The following RPAP2 variants were observed in gnomAD, a reference collection of about 807,000 sequenced individuals.
The protein encoded by RPAP2 is RNA polymerase II associated protein 2.
Under a neutral mutation model 73.1 loss-of-function variants are expected in RPAP2, and 52 were observed. That is an observed-to-expected ratio of 0.71 (90% confidence interval 0.57 to 0.90). The LOEUF (loss-of-function observed/expected upper bound fraction) is 0.90, where lower values mean the gene tolerates loss of function less well. Ranked by LOEUF, RPAP2 falls within the 40% of genes least tolerant of loss-of-function variation. The pLI is 0.00. For synonymous variants in RPAP2, 225 were observed against 242.1 expected (o/e 0.93, Z 0.65); for missense variants, 598 against 701.8 (o/e 0.85, Z 1.67).
intron 12 of RPAP2, among the ~76,000 whole-genome samples, chr1:92,383,789 T>C (rs1358596220): frequency 2.0e-5 from 3 of 151,922 alleles, no homozygotes; most frequent in African/African-American, 4.9e-5. Context: ...TGGCCAGAAC[T>C]TCCAACGCTA....
chr1:92,364,909 C>G (rs552470752), intron 11 of RPAP2, among the ~76,000 whole-genome samples: 37 of 152,260 alleles, frequency 2.4e-4, no homozygotes, highest in Middle Eastern at 3.4e-3. Context: ...CTTCCCAGCT[C>G]CTACCAGATA....
intron 6 of RPAP2, among the ~76,000 whole-genome samples, chr1:92,311,256 C>T (rs946152198): frequency 1.3e-5 from 2 of 152,114 alleles, no homozygotes; most frequent in Non-Finnish European, 1.5e-5. Flanking sequence ...ATTCAACTTC[C>T]GAGTTCCCTT....
chr1:92,385,007 A>G (rs1314319110), intron 12 of RPAP2, among the ~76,000 whole-genome samples: 3 of 151,316 alleles, frequency 2.0e-5, no homozygotes, highest in Admixed American at 2.0e-4. Context: ...TACAAAAAAT[A>G]AAAAAATTAG....
chr1:92,323,964 T>C lies in RPAP2; in HGVS notation c.1044T>C (p.Ser348=). The C allele has an allele frequency of 1.2e-6, 2 of 1,614,156 alleles. No individual in the cohort carries two copies. The highest frequency in any genetic ancestry group is 1.3e-5 in the African/African-American group (1 of 75,048). ...KRKFAKSNQV[S]RSVSSSVQVC... is the part of the protein sequence containing the mutation. ...AATTTGCCAAATCAAACCAAGTGTCTAGGTCAGTGTCTAGTTCAGTGCAGG... is the reference window on the plus strand; with the variant it reads ...AATTTGCCAAATCAAACCAAGTGTCCAGGTCAGTGTCTAGTTCAGTGCAGG... Residue 348 remains serine (S), a synonymous_variant, in exon 8 of 13, where the codon TCT becomes TCC. Transcript: ENST00000610020.
intron 6 of RPAP2, among the ~76,000 whole-genome samples, chr1:92,316,758 T>A (rs892756987): frequency 6.6e-6 from 1 of 152,198 alleles, no homozygotes; most frequent in Non-Finnish European, 1.5e-5. Flanking sequence ...GAAATTTGGA[T>A]TTCATCTAAG....
intron 11 of RPAP2, among the ~76,000 whole-genome samples, chr1:92,367,578 T>G (rs1002830998): frequency 6.6e-6 from 1 of 152,192 alleles, no homozygotes; most frequent in Non-Finnish European, 1.5e-5. Context: ...TTAGCAGTCT[T>G]TACATCTTCA....
At chr1:92,365,972 C>T (rs1267955696) in intron 11 of RPAP2, among the ~76,000 whole-genome samples, 2 of 152,082 alleles carry the variant, frequency 1.3e-5, no homozygotes, top group Non-Finnish European at 2.9e-5. Flanking sequence ...ACCAACAAGT[C>T]AGTCTCATAA....
chr1:92,364,324 A>G (rs1468247453), intron 11 of RPAP2, among the ~76,000 whole-genome samples: 1 of 152,162 alleles, frequency 6.6e-6, no homozygotes, highest in Non-Finnish European at 1.5e-5. Context: ...CAAGGATGCA[A>G]GAGGTTTGGA....
rs1468562588 is a variant in RPAP2, at chr1:92,397,847, C to CA, written c.*10837dup. On this transcript the variant is annotated 3_prime_UTR_variant, in exon 13 of 13. Transcript: ENST00000610020. Reference sequence around the variant, plus strand: ...AAAGGATAGAAGCATGTCAGACAGACACAGGAGCCAATCTGAAAGAGCTCC... The same window carrying CA: ...AAAGGATAGAAGCATGTCAGACAGACAACAGGAGCCAATCTGAAAGAGCTCC... The CA allele has an allele frequency of 1.3e-5, 2 of 152,278 alleles. No homozygotes were observed. The highest frequency in any genetic ancestry group is 1.3e-4 in the Admixed American group (2 of 15,278). The allele number at this position is 152,278 out of a possible 1,614,324, so 9.4% of individuals were successfully genotyped here.
At chr1:92,367,076 G>T (rs1335292218) in intron 11 of RPAP2, among the ~76,000 whole-genome samples, 2 of 152,200 alleles carry the variant, frequency 1.3e-5, no homozygotes, top group Admixed American at 1.3e-4. Flanking sequence ...AGATACCTTT[G>T]TGATAAAGGT....
chr1:92,385,031 C>A (rs1655807692), intron 12 of RPAP2, among the ~76,000 whole-genome samples: 1 of 150,934 alleles, frequency 6.6e-6, no homozygotes, highest in Non-Finnish European at 1.5e-5. Flanking sequence ...GATATGGTTG[C>A]CTACAGGTGG....
chr1:92,308,591 A>G (rs1035201066), intron 6 of RPAP2, among the ~76,000 whole-genome samples: 2 of 152,174 alleles, frequency 1.3e-5, no homozygotes, highest in African/African-American at 4.8e-5. Flanking sequence ...CTTCAAAACC[A>G]TTTACCAAAT....
intron 11 of RPAP2, among the ~76,000 whole-genome samples, chr1:92,360,503 G>A (rs1312952244): frequency 6.6e-6 from 1 of 152,190 alleles, no homozygotes; most frequent in African/African-American, 2.4e-5. Flanking sequence ...TCTCAGGATA[G>A]TGGAAGTTTG....
chr1:92,331,588 A>G (rs756119741), intron 8 of RPAP2, among the ~76,000 whole-genome samples: 3 of 152,168 alleles, frequency 2.0e-5, no homozygotes, highest in Non-Finnish European at 4.4e-5. Context: ...CTTCCTGGAC[A>G]ATTAGCACCT....
intron 11 of RPAP2, among the ~76,000 whole-genome samples, chr1:92,366,595 T>C (rs1335632378): frequency 2.0e-5 from 3 of 152,132 alleles, no homozygotes; most frequent in Admixed American, 6.5e-5. Flanking sequence ...ACTAATGGAG[T>C]TGAATCTTCT....
intron 11 of RPAP2, among the ~76,000 whole-genome samples, chr1:92,366,557 CA>C (rs1448945414): frequency 6.6e-6 from 1 of 152,110 alleles, no homozygotes; most frequent in African/African-American, 2.4e-5. Context: ...CCAGGGGCCA[CA>C]TGTGAGACAG....
At chr1:92,342,890 A>G (rs1192419878) in intron 10 of RPAP2, among the ~76,000 whole-genome samples, 3 of 152,272 alleles carry the variant, frequency 2.0e-5, no homozygotes, top group East Asian at 3.9e-4. Context: ...GAGGAGCCCA[A>G]TTTTGGCTCT....
Position 92,323,936 on chromosome 1 carries a change from G to C in RPAP2, c.1016G>C (p.Arg339Thr), listed in dbSNP as rs1407871610. Residue 339 changes from arginine to threonine, a missense_variant, in exon 8 of 13, where the codon AGA becomes ACA. Physicochemically the swap from Arg to Thr is moderately conservative, Grantham distance 71. This residue lies in a region of RPAP2 where 506 missense variants were observed against 612.8 expected (regional missense o/e 0.83). Transcript: ENST00000610020. ...AAGAAAAGTGCAGAGCATTTTAAGA[G>C]AAAATTTGCCAAATCAAACCAAGTG... ...ISKKSAEHFKRKFAKSNQVSR... is the reference protein window; with the variant it reads ...ISKKSAEHFKTKFAKSNQVSR... The C allele has an allele frequency of 2.4e-5, 38 of 1,614,178 alleles. No individual in the cohort carries two copies. Among genetic ancestry groups the C allele is most frequent in the Non-Finnish European group, 3.1e-5 (37 of 1,180,014 alleles).
intron 11 of RPAP2, among the ~76,000 whole-genome samples, chr1:92,347,817 A>G (rs1653985109): frequency 6.6e-6 from 1 of 152,170 alleles, no homozygotes; most frequent in Non-Finnish European, 1.5e-5. Flanking sequence ...TTCAAGAGTC[A>G]GTGACCCATA....
Sources: allele counts gnomAD v4.1 joint callset (sites outside exome capture counted in the v4.1 genomes callset), GRCh38; gene constraint gnomAD v4.1.1; regional missense constraint gnomAD v4.1.1; transcripts MANE v1.5; gene names NCBI Gene and HGNC (gene_info 2026-07-23, HGNC 2026-07-21).